Variants in ABCA13 observed in about 807,000 individuals in gnomAD.
ABCA13 encodes ATP binding cassette subfamily A member 13.
A neutral mutation model predicts 478.7 loss-of-function variants in ABCA13; 476 were observed. The observed-to-expected ratio is 0.99, with a 90% CI of 0.92 to 1.07. ABCA13 has a LOEUF of 1.07. Among genes scored for constraint, ABCA13 ranks in the 50% least tolerant of loss-of-function variants. The probability of loss-of-function intolerance (pLI) is 0.00; values close to 1 mark genes in which losing one functional copy is unlikely to be tolerated. For synonymous variants in ABCA13, 2,252 were observed against 2,158.9 expected, an observed-to-expected ratio of 1.04 and a Z score of -1.20; for missense variants, 6,060 against 5,910.6, an observed-to-expected ratio of 1.03 and a Z score of -0.83.
intron 48 of ABCA13, among the ~76,000 whole-genome samples, chr7:48,497,855 A>T (rs1046231888): frequency 2.0e-5 from 3 of 152,150 alleles, no homozygotes; most frequent in Non-Finnish European, 4.4e-5. Context: ...CTTTAGTCTC[A>T]TCGAAGCCAG....
At chr7:48,636,503 C>T (rs180831682) in intron 59 of ABCA13, among the ~76,000 whole-genome samples, 8 of 152,262 alleles carry the variant, frequency 5.3e-5, no homozygotes, top group Admixed American at 3.9e-4. Flanking sequence ...GAGTCCAGGA[C>T]CCTTGTCTCA....
At chr7:48,513,477 A>G (rs1328217530) in intron 51 of ABCA13, among the ~76,000 whole-genome samples, 1 of 152,192 alleles carries the variant, frequency 6.6e-6, no homozygotes, top group Non-Finnish European at 1.5e-5. Flanking sequence ...ACAGAGCCTA[A>G]CTTACATAAA....
chr7:48,410,096 A>AG (rs1818798676), intron 39 of ABCA13, among the ~76,000 whole-genome samples: 1 of 149,774 alleles, frequency 6.7e-6, no homozygotes, highest in African/African-American at 2.4e-5. Context: ...TCCATCTCAA[A>AG]AAAAAAAAAA....
At chr7:48,567,055 C>A (rs76401114) in intron 55 of ABCA13, among the ~76,000 whole-genome samples, 1,542 of 152,260 alleles carry the variant, frequency 0.01, 30 homozygotes, top group African/African-American at 0.035. Flanking sequence ...CAACTGCAAC[C>A]ATTTTAATTG....
intron 42 of ABCA13, among the ~76,000 whole-genome samples, chr7:48,433,379 G>T (rs557958016): frequency 1.3e-5 from 2 of 150,538 alleles, no homozygotes; most frequent in South Asian, 2.1e-4. Flanking sequence ...CATCTAGGAC[G>T]TTTTTTGGTA....
chr7:48,547,881 G>A, intron 55 of ABCA13, among the ~76,000 whole-genome samples: 1 of 151,854 alleles, frequency 6.6e-6, no homozygotes, highest in East Asian at 1.9e-4. Flanking sequence ...TGCAATAAAT[G>A]CATCTTCAAC....
intron 40 of ABCA13, 127 bp downstream of exon 40, chr7:48,410,804 C>A: frequency 7.5e-7 from 1 of 1,327,258 alleles, no homozygotes; most frequent in Non-Finnish European, 1.0e-6. Flanking sequence ...GCCCACATGC[C>A]AAAATAAGTG....
intron 52 of ABCA13, among the ~76,000 whole-genome samples, chr7:48,519,430 A>G (rs17132434): frequency 0.067 from 10,271 of 152,274 alleles, 443 homozygotes; most frequent in African/African-American, 0.11. Flanking sequence ...TGTAACCAGT[A>G]TTAACCATTG....
chr7:48,374,229 GGGC>G (rs2129031357), intron 33 of ABCA13, 115 bp from the exon 34 acceptor site: 2 of 830,010 alleles, frequency 2.4e-6, no homozygotes, highest in African/African-American at 3.6e-5. Context: ...AGCGATGGTT[GGGC>G]GTCATCAGAA....
chr7:48,323,309 A>T (rs1258387899), intron 27 of ABCA13, among the ~76,000 whole-genome samples: 1 of 152,220 alleles, frequency 6.6e-6, no homozygotes, highest in Non-Finnish European at 1.5e-5. Context: ...TACCTTCAGC[A>T]GTGGCTGTTG....
At chr7:48,597,788 T>A (rs1790450441) in intron 58 of ABCA13, among the ~76,000 whole-genome samples, 1 of 152,212 alleles carries the variant, frequency 6.6e-6, no homozygotes, top group Non-Finnish European at 1.5e-5. Context: ...TAAAAATGGC[T>A]TGATACTTTA....
chr7:48,472,997 G>A (rs545246695), intron 45 of ABCA13, among the ~76,000 whole-genome samples: 1 of 152,336 alleles, frequency 6.6e-6, no homozygotes, highest in South Asian at 2.1e-4. Flanking sequence ...CACAATCATG[G>A]TGGAAGGTGA....
chr7:48,309,495 C>T (rs1222845349), intron 23 of ABCA13, among the ~76,000 whole-genome samples: 1 of 152,050 alleles, frequency 6.6e-6, no homozygotes, highest in African/African-American at 2.4e-5. Context: ...TGTTTTCAAT[C>T]TAAAAATGAA....
At chr7:48,524,798 T>C (rs1302750196) in intron 54 of ABCA13, among the ~76,000 whole-genome samples, 1 of 152,210 alleles carries the variant, frequency 6.6e-6, no homozygotes, top group Non-Finnish European at 1.5e-5. Context: ...GTACTCTAAG[T>C]GTCCAATTAA....
intron 57 of ABCA13, among the ~76,000 whole-genome samples, chr7:48,588,238 A>G (rs890840082): frequency 6.6e-6 from 1 of 152,234 alleles, no homozygotes; most frequent in East Asian, 1.9e-4. Flanking sequence ...ACTATTGTAT[A>G]GTTTCATATT....
Position 48,273,084 on chromosome 7 carries a change from A to G in ABCA13, c.3418A>G (p.Lys1140Glu). ...CTCAGCAAATGTCAGTGTGTTCAAC[A>G]AGTTTATGTCCATTCACTGTACCGT... ...NLSANVSVFN[K>E]FMSIHCTVSW... The change falls in exon 17 of 62, where the codon AAG becomes GAG. Residue 1140 changes from lysine to glutamate, a missense_variant. Coordinates refer to ENST00000435803, the MANE Select transcript of ABCA13 (RefSeq NM_152701.5). 6 of 1,613,656 alleles carry G rather than the reference A, an allele frequency of 3.7e-6. No homozygotes were observed. The highest frequency in any genetic ancestry group is 5.1e-6 in the Non-Finnish European group (6 of 1,179,750).
At chr7:48,267,687 A>G (rs141587327) in intron 15 of ABCA13, among the ~76,000 whole-genome samples, 7 of 151,804 alleles carry the variant, frequency 4.6e-5, no homozygotes, top group Admixed American at 1.3e-4. Context: ...TTTTGCATCA[A>G]CCTAATAGTA....
intron 48 of ABCA13, among the ~76,000 whole-genome samples, chr7:48,495,635 T>A (rs1830209970): frequency 6.6e-6 from 1 of 152,178 alleles, no homozygotes; most frequent in African/African-American, 2.4e-5. Flanking sequence ...CACTGACACA[T>A]TTCGTTTGCT....
At chr7:48,244,449 A>T in intron 10 of ABCA13, 127 bp from the exon 11 acceptor site, 1 of 1,146,208 alleles carries the variant, frequency 8.7e-7, no homozygotes, top group Non-Finnish European at 1.2e-6. Context: ...ATGAAGTGTG[A>T]CTTTCAGTCT....
Sources: allele counts gnomAD v4.1 joint callset (sites outside exome capture counted in the v4.1 genomes callset), GRCh38; gene constraint gnomAD v4.1.1; transcripts MANE v1.5; gene names NCBI Gene and HGNC (gene_info 2026-07-23, HGNC 2026-07-21).